LUZP2: variants seen among roughly 807,000 people sequenced by gnomAD.
LUZP2 encodes leucine zipper protein 2.
LUZP2 carries 52 observed loss-of-function variants against 51.6 expected under a neutral mutation model. That is an observed-to-expected ratio of 1.01 (90% CI 0.81 to 1.27). The LOEUF is 1.27. Ranked by LOEUF, LUZP2 falls within the 50% of genes most tolerant of loss-of-function variation. The pLI is 0.00. For synonymous variants in LUZP2, 154 were observed against 137.3 expected (o/e 1.12, Z -0.85); for missense variants, 436 against 395.4 (o/e 1.10, Z -0.87).
chr11:24,662,776 T>C (rs1438389461), intron 1 of LUZP2, among the ~76,000 whole-genome samples: 1 of 152,048 alleles, frequency 6.6e-6, no homozygotes, highest in Non-Finnish European at 1.5e-5. Flanking sequence ...CAAAGTGGCT[T>C]CAGGAAAAAA....
Position 24,754,313 on chromosome 11 carries a change from A to G in LUZP2, c.334-8933A>G, listed in dbSNP as rs1859696415. Among the ~76,000 whole-genome samples the G allele has an allele frequency of 2.1e-5, 3 of 144,508 alleles. No individual in the cohort carries two copies. In the South Asian group the frequency reaches 6.8e-4, roughly 33 times the overall value. 94.8% of individuals were successfully genotyped at this position (144,508 alleles called of 152,430 possible). ...TGCTCTGCCAGTGTTTTCTTTATTC[A>G]TCTTATTTGTTAATTATTTAAAATT... is the stretch of plus-strand genomic sequence containing the variant. On this transcript the variant is annotated intron_variant, in intron 4 of 11. Transcript: ENST00000336930.
chr11:24,869,085 C>T (rs1851979422), intron 5 of LUZP2, among the ~76,000 whole-genome samples: 1 of 152,098 alleles, frequency 6.6e-6, no homozygotes, highest in Admixed American at 6.6e-5. Context: ...ACAAGGTCTT[C>T]CTTCAGGAGT....
intron 1 of LUZP2, among the ~76,000 whole-genome samples, chr11:24,559,017 C>A (rs906297681): frequency 6.6e-6 from 1 of 151,966 alleles, no homozygotes; most frequent in Non-Finnish European, 1.5e-5. Flanking sequence ...GGAACATGGT[C>A]GTAAAAGTAG....
At chr11:24,874,392 G>A (rs1175290957) in intron 5 of LUZP2, among the ~76,000 whole-genome samples, 6 of 152,114 alleles carry the variant, frequency 3.9e-5, no homozygotes, top group Non-Finnish European at 8.8e-5. Context: ...CTCTCACAGT[G>A]TCGGTGAGGC....
intron 5 of LUZP2, among the ~76,000 whole-genome samples, chr11:24,876,086 G>A (rs1040492511): frequency 1.3e-5 from 2 of 151,808 alleles, no homozygotes; most frequent in Non-Finnish European, 2.9e-5. Flanking sequence ...TTCTTTTGCT[G>A]TGCAGAAGCT....
intron 7 of LUZP2, among the ~76,000 whole-genome samples, chr11:24,961,540 G>C (rs1855406330): frequency 6.6e-6 from 1 of 151,946 alleles, no homozygotes; most frequent in African/African-American, 2.4e-5. Context: ...TTGGTTTAAA[G>C]TCTGTTTTAT....
chr11:24,791,956 T>C (rs981065468), intron 5 of LUZP2, among the ~76,000 whole-genome samples: 80 of 33,748 alleles, frequency 2.4e-3, no homozygotes, highest in Non-Finnish European at 0.012. Context: ...TTAGTGAGAG[T>C]CTTTTTTTTT....
At chr11:24,853,971 C>T (rs187982647) in intron 5 of LUZP2, among the ~76,000 whole-genome samples, 186 of 152,238 alleles carry the variant, frequency 1.2e-3, no homozygotes, top group African/African-American at 4.0e-3. Flanking sequence ...CAAAGATTGC[C>T]GCCTGTTCCT....
intron 1 of LUZP2, among the ~76,000 whole-genome samples, chr11:24,538,238 A>G (rs532953509): frequency 3.9e-5 from 6 of 151,950 alleles, no homozygotes; most frequent in Non-Finnish European, 8.8e-5. Flanking sequence ...TAAAATAGTA[A>G]TAATGAACTA....
At chr11:24,661,986 G>T (rs1856036337) in intron 1 of LUZP2, among the ~76,000 whole-genome samples, 1 of 151,952 alleles carries the variant, frequency 6.6e-6, no homozygotes, top group African/African-American at 2.4e-5. Flanking sequence ...CAGTAACTTA[G>T]GCAGATTTTC....
At chr11:24,870,162 G>T (rs1346307243) in intron 5 of LUZP2, among the ~76,000 whole-genome samples, 2 of 152,064 alleles carry the variant, frequency 1.3e-5, no homozygotes, top group Non-Finnish European at 2.9e-5. Flanking sequence ...TAATGAAACT[G>T]TAAAGGAAAA....
intron 1 of LUZP2, among the ~76,000 whole-genome samples, chr11:24,706,000 A>C (rs1857569699): frequency 6.6e-6 from 1 of 151,916 alleles, no homozygotes; most frequent in African/African-American, 2.4e-5. Context: ...GTGACAGCTT[A>C]AACTAGGGCT....
chr11:24,556,322 A>G (rs1289881905), intron 1 of LUZP2, among the ~76,000 whole-genome samples: 2 of 152,186 alleles, frequency 1.3e-5, no homozygotes, highest in South Asian at 4.1e-4. Context: ...TCTATTTAAC[A>G]ACTTAGTAAA....
At chr11:24,863,835 C>T (rs1851809634) in intron 5 of LUZP2, among the ~76,000 whole-genome samples, 1 of 152,086 alleles carries the variant, frequency 6.6e-6, no homozygotes, top group Non-Finnish European at 1.5e-5. Flanking sequence ...ACATAAAAGA[C>T]TGAGTGCACT....
At chr11:24,658,601 G>A (rs1275924030) in intron 1 of LUZP2, among the ~76,000 whole-genome samples, 1 of 152,162 alleles carries the variant, frequency 6.6e-6, no homozygotes, top group East Asian at 1.9e-4. Context: ...AAGAGCTTCT[G>A]CACAGCAAAA....
intron 9 of LUZP2, among the ~76,000 whole-genome samples, chr11:25,001,520 G>A (rs1018430578): frequency 6.6e-6 from 1 of 152,152 alleles, no homozygotes; most frequent in Admixed American, 6.5e-5. Context: ...GCTATGGGTT[G>A]TCAGTGACCT....
At chr11:24,610,535 T>C (rs1854084970) in intron 1 of LUZP2, among the ~76,000 whole-genome samples, 1 of 152,166 alleles carries the variant, frequency 6.6e-6, no homozygotes, top group African/African-American at 2.4e-5. Flanking sequence ...TGGCCCTTGT[T>C]TATGGTGGCT....
intron 9 of LUZP2, among the ~76,000 whole-genome samples, chr11:25,015,139 T>C (rs1176764530): frequency 6.6e-6 from 1 of 152,138 alleles, no homozygotes. Flanking sequence ...TATTGAGTAG[T>C]TGCGATTTAT....
At chr11:24,931,364 A>G (rs1280521376) in intron 7 of LUZP2, among the ~76,000 whole-genome samples, 2 of 152,130 alleles carry the variant, frequency 1.3e-5, no homozygotes, top group Admixed American at 6.5e-5. Flanking sequence ...GTTTGATTCT[A>G]TTCCTGAAGG....
Sources: allele counts gnomAD v4.1 joint callset (sites outside exome capture counted in the v4.1 genomes callset), GRCh38; gene constraint gnomAD v4.1.1; transcripts MANE v1.5; gene names NCBI Gene and HGNC (gene_info 2026-07-23, HGNC 2026-07-21).